The following RGS8 variants were observed in gnomAD, a reference collection of about 807,000 sequenced individuals.
RGS8 encodes the protein regulator of G protein signaling 8.
Under a neutral mutation model 21.7 loss-of-function variants are expected in RGS8, and 8 were observed. The observed-to-expected ratio is 0.37, with a 90% CI of 0.22 to 0.66. The LOEUF (loss-of-function observed/expected upper bound fraction) is 0.66, where lower values mean the gene tolerates loss of function less well. Among genes scored for constraint, RGS8 ranks in the 30% least tolerant of loss-of-function variants. RGS8 has a pLI of 0.59. For synonymous variants in RGS8, 80 were observed against 83.6 expected, an observed-to-expected ratio of 0.96 and a Z score of 0.24; for missense variants, 157 against 217.9, an observed-to-expected ratio of 0.72 and a Z score of 1.76.
the RGS8 span, among the ~76,000 whole-genome samples, chr1:182,707,099 A>C: frequency 6.6e-6 from 1 of 152,074 alleles, no homozygotes; most frequent in Non-Finnish European, 1.5e-5. Flanking sequence ...TGGAGGTTGC[A>C]TTGAGCCGAG....
At chr1:182,676,751 G>T (rs935045225), upstream of RGS8, among the ~76,000 whole-genome samples, 2 of 152,194 alleles carry the variant, frequency 1.3e-5, no homozygotes, top group Admixed American at 6.5e-5. Context: ...AAGAAGCACA[G>T]GATTTGGAAT....
exon 7 of RGS8, chr1:182,646,178 A>G (rs1662694557): frequency 1.3e-5 from 2 of 152,372 alleles, no homozygotes; most frequent in Admixed American, 6.5e-5. Flanking sequence ...AACTCCATGG[A>G]TTTCACTCCT....
the RGS8 span, among the ~76,000 whole-genome samples, chr1:182,738,327 C>A: frequency 1.3e-5 from 2 of 152,176 alleles, no homozygotes; most frequent in Non-Finnish European, 1.5e-5. Context: ...TGATACTTTT[C>A]CAGGTGTATT....
the RGS8 span, among the ~76,000 whole-genome samples, chr1:182,718,542 G>A: frequency 6.6e-6 from 1 of 152,188 alleles, no homozygotes; most frequent in East Asian, 1.9e-4. Flanking sequence ...GGCATGGTGG[G>A]AGCCATGATA....
the RGS8 span, among the ~76,000 whole-genome samples, chr1:182,740,195 CT>C: frequency 1.3e-5 from 2 of 152,180 alleles, no homozygotes; most frequent in African/African-American, 4.8e-5. Context: ...CCCAACTGGC[CT>C]GCTGTAATAG....
the RGS8 span, among the ~76,000 whole-genome samples, chr1:182,698,847 G>A: frequency 6.6e-6 from 1 of 152,192 alleles, no homozygotes; most frequent in Non-Finnish European, 1.5e-5. Context: ...CGTAAGCACA[G>A]AATTCACTGC....
the RGS8 span, among the ~76,000 whole-genome samples, chr1:182,691,629 A>C: frequency 1.3e-5 from 2 of 150,840 alleles, no homozygotes; most frequent in Non-Finnish European, 3.0e-5. Flanking sequence ...AAAAAAAAAA[A>C]AAAAAACCTC....
At chr1:182,748,406 C>T in the RGS8 span, among the ~76,000 whole-genome samples, 1 of 152,206 alleles carries the variant, frequency 6.6e-6, no homozygotes, top group Non-Finnish European at 1.5e-5. Context: ...AACATAATAT[C>T]CTCCAGGTTA....
the RGS8 span, among the ~76,000 whole-genome samples, chr1:182,699,699 A>G: frequency 6.6e-6 from 1 of 152,068 alleles, no homozygotes; most frequent in Non-Finnish European, 1.5e-5. Flanking sequence ...GGGGATTGCA[A>G]CGGGATTACC....
the RGS8 span, among the ~76,000 whole-genome samples, chr1:182,711,048 G>A: frequency 6.6e-6 from 1 of 152,184 alleles, no homozygotes; most frequent in African/African-American, 2.4e-5. Context: ...CACTTTGCAT[G>A]GGATTCCTGA....
chr1:182,678,234 G>T (rs79240607), intron 1 of RGS8, among the ~76,000 whole-genome samples: 3,843 of 152,250 alleles, frequency 0.025, 87 homozygotes, highest in African/African-American at 0.052. Flanking sequence ...TGGTAGGTAC[G>T]TAGGGACTCA....
intron 1 of RGS8, among the ~76,000 whole-genome samples, chr1:182,681,766 T>G (rs970264980): frequency 3.3e-5 from 5 of 152,344 alleles, no homozygotes; most frequent in Admixed American, 2.6e-4. Context: ...GTGGGTGCAC[T>G]CCGATGCACG....
the RGS8 span, among the ~76,000 whole-genome samples, chr1:182,751,746 T>C: frequency 2.6e-5 from 4 of 152,210 alleles, no homozygotes; most frequent in Admixed American, 1.3e-4. Context: ...ATATACCATA[T>C]ACATAATTGA....
chr1:182,642,402 T>C (rs1173167448), downstream of RGS8: 3 of 152,540 alleles, frequency 2.0e-5, no homozygotes, highest in South Asian at 6.2e-4. Flanking sequence ...CTGCCTTGCA[T>C]GGAAGTGGGT....
chr1:182,646,052 C>T (rs1257729759), downstream of RGS8: 1 of 152,234 alleles, frequency 6.6e-6, no homozygotes, highest in Non-Finnish European at 1.5e-5. Flanking sequence ...TGAAGAACAT[C>T]ACCCAAGACT....
At chr1:182,723,155 C>A in the RGS8 span, among the ~76,000 whole-genome samples, 1 of 152,052 alleles carries the variant, frequency 6.6e-6, no homozygotes. Flanking sequence ...GGACATTATT[C>A]AACCAATTAT....
upstream of RGS8, among the ~76,000 whole-genome samples, chr1:182,687,574 A>T (rs376792686): frequency 8.5e-5 from 13 of 152,334 alleles, no homozygotes; most frequent in East Asian, 1.9e-3. Context: ...CAGGTTGGGG[A>T]GGTTTGGCTG....
the RGS8 span, among the ~76,000 whole-genome samples, chr1:182,736,406 T>C: frequency 6.6e-6 from 1 of 152,174 alleles, no homozygotes; most frequent in East Asian, 1.9e-4. Context: ...TTATTTTGCA[T>C]AGGAATCACG....
intron 5 of RGS8, among the ~76,000 whole-genome samples, chr1:182,656,595 G>A (rs991459176): frequency 3.2e-4 from 48 of 152,338 alleles, no homozygotes; most frequent in Admixed American, 6.5e-4. Context: ...TTGTAAAGAT[G>A]CCATGTTCTC....
Sources: allele counts gnomAD v4.1 joint callset (sites outside exome capture counted in the v4.1 genomes callset), GRCh38; gene constraint gnomAD v4.1.1; transcripts MANE v1.5; gene names NCBI Gene and HGNC (gene_info 2026-07-23, HGNC 2026-07-21).